MRPL42: variants seen among roughly 807,000 people sequenced by gnomAD.
MRPL42 encodes the protein large ribosomal subunit protein mL42.
In MRPL42, 17 loss-of-function variants were observed where a neutral mutation model predicts 17.9. The observed-to-expected ratio is 0.95, with a 90% confidence interval of 0.65 to 1.42. MRPL42 has a LOEUF of 1.42. Among genes scored for constraint, MRPL42 ranks in the 40% most tolerant of loss-of-function variants. The pLI is 0.00. For synonymous variants in MRPL42, 59 were observed against 54.4 expected, an observed-to-expected ratio of 1.08 and a Z score of -0.37; for missense variants, 177 against 175.2, an observed-to-expected ratio of 1.01 and a Z score of -0.06.
At chr12:93,479,297 T>C (rs1880340491) in intron 3 of MRPL42, 91 bp from the exon 4 acceptor site, 5 of 725,694 alleles carry the variant, frequency 6.9e-6, no homozygotes, top group South Asian at 6.6e-5. Flanking sequence ...CTGGGTGACA[T>C]AGTGAGAGTC....
chr12:93,470,613 C>T (rs1358480876), intron 2 of MRPL42: 26 of 1,156,140 alleles, frequency 2.2e-5, no homozygotes, highest in Non-Finnish European at 2.8e-5. Flanking sequence ...CTCTTCCCTC[C>T]ATCCCTCCAT....
intron 5 of MRPL42, among the ~76,000 whole-genome samples, chr12:93,500,394 C>T (rs1255391756): frequency 1.3e-5 from 2 of 152,136 alleles, no homozygotes; most frequent in Non-Finnish European, 2.9e-5. Flanking sequence ...TTTCACCACA[C>T]CTGTGCTTGG....
At chr12:93,472,255 G>A (rs145716929) in intron 2 of MRPL42, among the ~76,000 whole-genome samples, 53 of 152,206 alleles carry the variant, frequency 3.5e-4, no homozygotes, top group African/African-American at 1.2e-3. Flanking sequence ...TCTTATATCC[G>A]AAAAGTCCCT....
intron 4 of MRPL42, among the ~76,000 whole-genome samples, chr12:93,480,974 C>T (rs1211122532): frequency 6.6e-6 from 1 of 152,118 alleles, no homozygotes; most frequent in Non-Finnish European, 1.5e-5. Flanking sequence ...GAAAAATAGG[C>T]CTACATCACT....
intron 5 of MRPL42, among the ~76,000 whole-genome samples, chr12:93,494,834 A>C (rs113137229): frequency 0.017 from 2,556 of 152,340 alleles, 26 homozygotes; most frequent in Non-Finnish European, 0.024. Context: ...CACCAAGATA[A>C]ATCAAGATAG....
chr12:93,484,854 T>C (rs568452707), intron 4 of MRPL42, among the ~76,000 whole-genome samples: 46 of 149,702 alleles, frequency 3.1e-4, no homozygotes, highest in African/African-American at 1.1e-3. Flanking sequence ...CACCATGGCC[T>C]CCCAAAGTGC....
At chr12:93,494,334 A>G (rs1462738876) in intron 5 of MRPL42, among the ~76,000 whole-genome samples, 1 of 152,234 alleles carries the variant, frequency 6.6e-6, no homozygotes, top group Non-Finnish European at 1.5e-5. Flanking sequence ...ACAGGCAAGA[A>G]TGATGATTTG....
chr12:93,479,815 G>A (rs10777516), intron 4 of MRPL42, among the ~76,000 whole-genome samples: 106,810 of 150,616 alleles, frequency 0.71, 38,124 homozygotes, highest in African/African-American at 0.76. Context: ...ACAATTATGA[G>A]AAAGTTGTAT....
chr12:93,494,332 G>C (rs1229863441), intron 5 of MRPL42, among the ~76,000 whole-genome samples: 1 of 152,206 alleles, frequency 6.6e-6, no homozygotes, highest in Admixed American at 6.5e-5. Flanking sequence ...AAACAGGCAA[G>C]AATGATGATT....
rs114882082 is a variant in MRPL42 at position 93,481,958 on chromosome 12, A to G, written c.219+2486A>G. 3.1e-3 allele frequency among the ~76,000 whole-genome samples: 469 copies of G among 152,276 alleles called. 5 individuals are homozygous for G. The highest frequency in any genetic ancestry group is 0.011 in the African/African-American group (448 of 41,558). On this transcript the variant is annotated intron_variant, in intron 4 of 5. Coordinates refer to ENST00000549982, the MANE Select transcript of MRPL42 (RefSeq NM_014050.4). ...TCATTATCATCATTCCTCTGTACAC[A>G]TGACCACCTCCCCTGCATCCTCTTT...
Position 93,513,720 on chromosome 12 carries a change from A to G in MRPL42, c.*12499A>G, listed in dbSNP as rs1224605752. On this transcript the variant is annotated 3_prime_UTR_variant, in exon 6 of 6. Coordinates refer to ENST00000549982, the MANE Select transcript of MRPL42 (RefSeq NM_014050.4). ...ATTCTATTTATTGAAATTTAATTTT[A>G]TATCCATTAACATAATTAAAAATTG... 6.6e-6 allele frequency: 1 copy of G among 152,182 alleles called. No individual in the cohort carries two copies. Among genetic ancestry groups the G allele is most frequent in the Non-Finnish European group, 1.5e-5 (1 of 68,032 alleles). 9.4% of individuals were successfully genotyped at this position (152,182 alleles called of 1,614,324 possible). A position where few individuals can be genotyped will look rare whatever the true frequency, so the allele number is the denominator to read the frequency against.
At chr12:93,481,085 A>G (rs1021871912) in intron 4 of MRPL42, among the ~76,000 whole-genome samples, 5 of 152,158 alleles carry the variant, frequency 3.3e-5, no homozygotes, top group Admixed American at 2.6e-4. Flanking sequence ...TTTAGCAATT[A>G]TACTAAGAAT....
Position 93,487,562 on chromosome 12 carries a change from A to G in MRPL42, c.285A>G (p.Arg95=). The change falls in exon 5 of 6, where the codon AGA becomes AGG. Residue 95 remains arginine (R), a synonymous_variant. Transcript: ENST00000549982. ...EETHDQVLKT[R]LEEKVEHLEE... is the part of the protein sequence containing the mutation. ...CACATGATCAAGTGCTGAAAACCAG[A>G]TTGGAAGAAAAAGTTGAACACCTTG... 2 of 1,613,776 alleles carry G rather than the reference A, an allele frequency of 1.2e-6. No homozygotes were observed. The highest frequency in any genetic ancestry group is 1.3e-5 in the African/African-American group (1 of 75,048).
chr12:93,491,815 G>A (rs963572429), intron 5 of MRPL42, among the ~76,000 whole-genome samples: 31 of 152,082 alleles, frequency 2.0e-4, no homozygotes, highest in African/African-American at 7.0e-4. Context: ...TTCCATCTTT[G>A]TGTCCGTGTG....
At chr12:93,495,371 A>G (rs564908699) in intron 5 of MRPL42, among the ~76,000 whole-genome samples, 2 of 152,176 alleles carry the variant, frequency 1.3e-5, no homozygotes, top group Non-Finnish European at 2.9e-5. Context: ...CTACAGAAGC[A>G]TACTACCATA....
intron 2 of MRPL42, among the ~76,000 whole-genome samples, chr12:93,473,632 T>C (rs1001850374): frequency 2.0e-5 from 3 of 151,950 alleles, no homozygotes; most frequent in African/African-American, 7.3e-5. Context: ...GGTTCCACCA[T>C]GTTGATCAGG....
chr12:93,481,136 G>T (rs1880440499), intron 4 of MRPL42, among the ~76,000 whole-genome samples: 1 of 152,072 alleles, frequency 6.6e-6, no homozygotes, highest in Admixed American at 6.6e-5. Flanking sequence ...ATCCCCAAAT[G>T]GCTCTTTATA....
Position 93,487,645 on chromosome 12 carries a change from G to A in MRPL42, c.368G>A (p.Trp123Ter). Residue 123 changes from tryptophan (W) to a stop codon, truncating the protein, a stop_gained, in exon 5 of 6, where the codon TGG becomes TAG. Coordinates refer to ENST00000549982, the MANE Select transcript of MRPL42 (RefSeq NM_014050.4). LOFTEE classifies it high-confidence loss of function. ...SKMFFTTKHR[W>*]YPHGRYHRCR... The stretch of plus-strand genomic sequence containing the variant: ...ATGTTCTTTACTACTAAGCACCGTT[G>A]GTATCCTCATGGACGGTAAGTTTTC... 2 of 1,611,500 alleles carry A rather than the reference G, an allele frequency of 1.2e-6. No individual in the cohort carries two copies. The highest frequency in any genetic ancestry group is 1.7e-6 in the Non-Finnish European group (2 of 1,178,500).
intron 4 of MRPL42, among the ~76,000 whole-genome samples, chr12:93,480,202 C>G (rs1265999342): frequency 1.3e-5 from 2 of 151,990 alleles, no homozygotes; most frequent in Non-Finnish European, 2.9e-5. Context: ...CTCACTGCAG[C>G]CTCCACCTCC....
Sources: gnomAD v4.1 joint callset for allele counts (sites outside exome capture counted in the v4.1 genomes callset) on GRCh38, gnomAD v4.1.1 for gene constraint, MANE v1.5 for transcripts, NCBI Gene and HGNC (gene_info 2026-07-23, HGNC 2026-07-21) for gene names.